The following NRG1 variants were observed in gnomAD, a reference collection of about 807,000 sequenced individuals.
NRG1 encodes the protein pro-neuregulin-1, membrane-bound isoform.
Under a neutral mutation model 63.8 loss-of-function variants are expected in NRG1, and 18 were observed. That is an observed-to-expected ratio of 0.28 (90% CI 0.19 to 0.42). The LOEUF (loss-of-function observed/expected upper bound fraction) is 0.42. Ranked by LOEUF, NRG1 falls within the 10% of genes least tolerant of loss-of-function variation. The pLI is 1.00. For synonymous variants in NRG1, 302 were observed against 301.3 expected, an observed-to-expected ratio of 1.00 and a Z score of -0.02; for missense variants, 762 against 814.7, an observed-to-expected ratio of 0.94 and a Z score of 0.79.
At chr8:32,501,565 C>T (rs1027596709) in intron 1 of NRG1, among the ~76,000 whole-genome samples, 3 of 152,074 alleles carry the variant, frequency 2.0e-5, no homozygotes, top group African/African-American at 7.2e-5. Flanking sequence ...TTGTGAAAAA[C>T]GTGAAAAGGT....
intron 1 of NRG1, among the ~76,000 whole-genome samples, chr8:31,776,161 G>T (rs1358309028): frequency 6.6e-6 from 1 of 152,200 alleles, no homozygotes; most frequent in Admixed American, 6.5e-5. Context: ...ACAGGTTGAT[G>T]TGGAACTCGA....
At chr8:31,944,624 G>T (rs1256722716) in intron 1 of NRG1, among the ~76,000 whole-genome samples, 2 of 152,114 alleles carry the variant, frequency 1.3e-5, no homozygotes, top group South Asian at 4.1e-4. Context: ...AGATGCAAGT[G>T]TTTATTAACT....
intron 1 of NRG1, among the ~76,000 whole-genome samples, chr8:32,251,881 C>A (rs951012404): frequency 1.6e-5 from 2 of 124,896 alleles, no homozygotes; most frequent in Non-Finnish European, 3.3e-5. Flanking sequence ...ATGGTCATTT[C>A]TCTAATGTTA....
At chr8:32,229,189 C>T (rs761025779) in intron 1 of NRG1, among the ~76,000 whole-genome samples, 4 of 152,184 alleles carry the variant, frequency 2.6e-5, no homozygotes, top group Admixed American at 6.5e-5. Context: ...TGGACGGCTA[C>T]TAGCCCTGTT....
chr8:32,225,456 G>C (rs1208703427), intron 1 of NRG1, among the ~76,000 whole-genome samples: 3 of 152,072 alleles, frequency 2.0e-5, no homozygotes, highest in African/African-American at 7.2e-5. Flanking sequence ...ATTTTATGGG[G>C]CCACCAGGTG....
upstream of NRG1, among the ~76,000 whole-genome samples, chr8:32,546,233 G>T (rs187106350): frequency 8.6e-5 from 13 of 151,794 alleles, no homozygotes; most frequent in Admixed American, 8.5e-4. Flanking sequence ...AAGCTGTTTT[G>T]TTGAAGCAAA....
intron 1 of NRG1, among the ~76,000 whole-genome samples, chr8:32,312,308 C>T (rs12543829): frequency 0.31 from 45,103 of 144,256 alleles, 7,633 homozygotes; most frequent in South Asian, 0.45. Flanking sequence ...GGACTACAGG[C>T]GCAAGCCACC....
intron 5 of NRG1, among the ~76,000 whole-genome samples, chr8:32,637,817 T>C (rs1322224720): frequency 2.0e-5 from 3 of 152,172 alleles, no homozygotes; most frequent in Non-Finnish European, 4.4e-5. Flanking sequence ...TTTGACAAAA[T>C]GCTGTTTAAT....
At chr8:32,575,831 C>T (rs963827298) in intron 1 of NRG1, among the ~76,000 whole-genome samples, 1 of 152,136 alleles carries the variant, frequency 6.6e-6, no homozygotes. Flanking sequence ...TCTGAGGACC[C>T]AGATATGCTA....
At chr8:32,432,456 T>A (rs964377480) in intron 1 of NRG1, among the ~76,000 whole-genome samples, 2 of 152,106 alleles carry the variant, frequency 1.3e-5, no homozygotes, top group African/African-American at 4.8e-5. Flanking sequence ...GAATCTGATT[T>A]TTCCTCACAG....
rs144409222 is a variant in NRG1 at position 32,343,120 on chromosome 8, C to T, written c.38-252708C>T. Among the ~76,000 whole-genome samples the T allele has an allele frequency of 3.5e-3, 526 of 152,272 alleles. 2 individuals carry two copies. The highest frequency in any genetic ancestry group is 0.012 in the African/African-American group (490 of 41,566). On this transcript the variant is annotated intron_variant, in intron 1 of 10. Coordinates refer to the NRG1 transcript ENST00000519301. ...ACCTGCATTATGCCGAAGAGCTAGT[C>T]TTTACAGTCATGGGGCTTTAAAACT...
intron 1 of NRG1, among the ~76,000 whole-genome samples, chr8:32,076,460 A>G (rs1471390): frequency 0.97 from 147,922 of 152,222 alleles, 72,018 homozygotes; most frequent in East Asian, 1. Flanking sequence ...TTCTGTTAAC[A>G]TAGTTCACGT....
At chr8:32,571,832 A>AAG (rs746985404) in intron 1 of NRG1, among the ~76,000 whole-genome samples, 2 of 152,186 alleles carry the variant, frequency 1.3e-5, no homozygotes, top group African/African-American at 2.4e-5. Context: ...TTCCCATGGT[A>AAG]AGACAACTCA....
At chr8:31,703,400 A>C (rs963206004) in intron 1 of NRG1, among the ~76,000 whole-genome samples, 2 of 152,092 alleles carry the variant, frequency 1.3e-5, no homozygotes, top group African/African-American at 4.8e-5. Flanking sequence ...ACTAAATTGA[A>C]AAATTTAGCA....
chr8:32,503,138 T>TAA (rs1273498723), intron 1 of NRG1, among the ~76,000 whole-genome samples: 1 of 150,520 alleles, frequency 6.6e-6, no homozygotes, highest in Non-Finnish European at 1.5e-5. Flanking sequence ...ACAAAAAAAA[T>TAA]TAGCTGGGCA....
At chr8:32,241,372 C>T (rs1276522899) in intron 1 of NRG1, among the ~76,000 whole-genome samples, 1 of 152,132 alleles carries the variant, frequency 6.6e-6, no homozygotes, top group Non-Finnish European at 1.5e-5. Flanking sequence ...TTCCTTCCCC[C>T]TCAGTATGTT....
intron 1 of NRG1, among the ~76,000 whole-genome samples, chr8:32,234,944 C>T (rs1847377983): frequency 6.6e-6 from 1 of 151,940 alleles, no homozygotes; most frequent in South Asian, 2.1e-4. Flanking sequence ...CTTTCCAGGA[C>T]AAGTATGTTG....
intron 6 of NRG1, among the ~76,000 whole-genome samples, chr8:32,731,610 T>A (rs1823683718): frequency 6.6e-6 from 1 of 152,196 alleles, no homozygotes; most frequent in South Asian, 2.1e-4. Flanking sequence ...CTTCAAACCT[T>A]TCTCGTTACA....
chr8:32,260,907 A>G (rs748731632), intron 1 of NRG1, among the ~76,000 whole-genome samples: 3 of 151,930 alleles, frequency 2.0e-5, no homozygotes, highest in African/African-American at 4.8e-5. Flanking sequence ...TTTTTTCCCT[A>G]TTGTTACTTA....
Sources: gnomAD v4.1 joint callset for allele counts (sites outside exome capture counted in the v4.1 genomes callset) on GRCh38, gnomAD v4.1.1 for gene constraint, MANE v1.5 for transcripts, NCBI Gene and HGNC (gene_info 2026-07-23, HGNC 2026-07-21) for gene names.